Variants in FBN2 observed in about 807,000 individuals in gnomAD.
FBN2 encodes the protein fibrillin-2.
FBN2 carries 105 observed loss-of-function variants against 355.6 expected under a neutral mutation model. The observed-to-expected ratio is 0.30, with a 90% CI of 0.25 to 0.35. FBN2 has a LOEUF of 0.35. Ranked by LOEUF, FBN2 falls within the 10% of genes least tolerant of loss-of-function variation. The pLI is 1.00. For synonymous variants in FBN2, 1,350 were observed against 1,301.2 expected (o/e 1.04, Z -0.81); for missense variants, 3,280 against 3,758.7 (o/e 0.87, Z 3.33).
At chr5:128,317,257 T>C (rs920007496) in intron 36 of FBN2, among the ~76,000 whole-genome samples, 1 of 152,178 alleles carries the variant, frequency 6.6e-6, no homozygotes, top group Non-Finnish European at 1.5e-5. Flanking sequence ...GCCTCTAGAA[T>C]GTAAACACAA....
intron 5 of FBN2, among the ~76,000 whole-genome samples, chr5:128,492,717 C>A (rs1755541943): frequency 7.0e-6 from 1 of 142,154 alleles, no homozygotes; most frequent in Non-Finnish European, 1.5e-5. Flanking sequence ...GCAGGAGATT[C>A]ACTTGAACCT....
At chr5:128,454,176 T>C (rs529714955) in intron 6 of FBN2, among the ~76,000 whole-genome samples, 3 of 152,352 alleles carry the variant, frequency 2.0e-5, no homozygotes, top group African/African-American at 7.2e-5. Flanking sequence ...AAACTCTCCC[T>C]GTCCCAGTGA....
At chr5:128,467,642 T>C (rs1457002226) in intron 5 of FBN2, among the ~76,000 whole-genome samples, 3 of 152,174 alleles carry the variant, frequency 2.0e-5, no homozygotes, top group Admixed American at 2.0e-4. Context: ...TATACCATGC[T>C]AACCATTCAT....
chr5:128,375,148 A>C (rs1269824999), intron 14 of FBN2, among the ~76,000 whole-genome samples: 2 of 152,216 alleles, frequency 1.3e-5, no homozygotes, highest in African/African-American at 4.8e-5. Context: ...ATAATAACAA[A>C]ATAACTTGAG....
chr5:128,357,940 T>C (rs1751546268), intron 19 of FBN2, among the ~76,000 whole-genome samples: 1 of 152,180 alleles, frequency 6.6e-6, no homozygotes, highest in African/African-American at 2.4e-5. Flanking sequence ...TTTACATGTT[T>C]AGTTTGCTTA....
chr5:128,422,622 A>G (rs1461647673), intron 7 of FBN2, among the ~76,000 whole-genome samples: 1 of 152,230 alleles, frequency 6.6e-6, no homozygotes, highest in Non-Finnish European at 1.5e-5. Context: ...GCAGAGCTGG[A>G]ACATTTTGCT....
intron 6 of FBN2, among the ~76,000 whole-genome samples, chr5:128,451,765 G>C (rs965937769): frequency 6.6e-6 from 1 of 152,122 alleles, no homozygotes; most frequent in Non-Finnish European, 1.5e-5. Context: ...AAGAGCTCTA[G>C]AAACTTGTTT....
At chr5:128,525,797 C>A (rs1756544934) in intron 4 of FBN2, among the ~76,000 whole-genome samples, 1 of 152,130 alleles carries the variant, frequency 6.6e-6, no homozygotes, top group Non-Finnish European at 1.5e-5. Context: ...AATTTTGACA[C>A]TTTTAAGTAG....
intron 16 of FBN2, among the ~76,000 whole-genome samples, chr5:128,368,447 T>TATATATAC (rs1382978836): frequency 3.2e-5 from 4 of 124,078 alleles, no homozygotes; most frequent in African/African-American, 1.0e-4. Context: ...CATATATACA[T>TATATATAC]ATATATACAC....
intron 48 of FBN2, 70 bp downstream of exon 48, chr5:128,300,747 T>C (rs1439854514): frequency 2.0e-6 from 3 of 1,528,702 alleles, no homozygotes; most frequent in Middle Eastern, 1.7e-4. Context: ...ACTTAGTATG[T>C]TTCCAGAGTC....
At chr5:128,297,000 C>T (rs1041655761) in intron 48 of FBN2, among the ~76,000 whole-genome samples, 4 of 152,140 alleles carry the variant, frequency 2.6e-5, no homozygotes, top group African/African-American at 4.8e-5. Context: ...CCTCTACACA[C>T]TGCTTTGAAT....
intron 62 of FBN2, among the ~76,000 whole-genome samples, chr5:128,270,393 G>T (rs1765237236): frequency 6.6e-6 from 1 of 152,062 alleles, no homozygotes; most frequent in African/African-American, 2.4e-5. Flanking sequence ...GCCGGGCATG[G>T]TGGCAGACTC....
intron 5 of FBN2, among the ~76,000 whole-genome samples, chr5:128,481,310 T>C (rs1318572638): frequency 6.6e-6 from 1 of 152,218 alleles, no homozygotes; most frequent in African/African-American, 2.4e-5. Context: ...ATTCCAGCAG[T>C]ACTGTTCCGA....
rs1158937805 is a variant in FBN2 at position 128,392,130 on chromosome 5, G to A, written c.1491C>T (p.Ile497=). ...GLTILNQTID[I]CKHHANLCLN... is the part of the protein sequence containing the mutation. ...AACAAAGGTTAGCATGATGCTTACAGATATCTATTGTCTGGTTCAGAATTG... is the reference window on the plus strand; with the variant it reads ...AACAAAGGTTAGCATGATGCTTACAAATATCTATTGTCTGGTTCAGAATTG... The change falls in exon 11 of 65, where the codon ATC becomes ATT. Residue 497 remains isoleucine, a synonymous_variant. Coordinates refer to ENST00000262464, the MANE Select transcript of FBN2 (RefSeq NM_001999.4). 6.2e-7 allele frequency: 1 copy of A among 1,613,422 alleles called. No individual in the cohort carries two copies. Among genetic ancestry groups the A allele is most frequent in the African/African-American group, 1.3e-5 (1 of 74,910 alleles).
chr5:128,320,630 T>C (rs962572747), intron 34 of FBN2, among the ~76,000 whole-genome samples: 1 of 152,180 alleles, frequency 6.6e-6, no homozygotes, highest in Non-Finnish European at 1.5e-5. Flanking sequence ...GTGATAAATA[T>C]TCAAAAATTC....
At chr5:128,442,414 C>T (rs746297550) in intron 7 of FBN2, 52 of 454,938 alleles carry the variant, frequency 1.1e-4, no homozygotes, top group Middle Eastern at 6.5e-4. Flanking sequence ...AAAAGAAAAA[C>T]GCTGAGCTGT....
intron 39 of FBN2, among the ~76,000 whole-genome samples, chr5:128,310,859 A>T (rs987791239): frequency 1.4e-4 from 21 of 152,116 alleles, no homozygotes; most frequent in Non-Finnish European, 2.4e-4. Context: ...CATGTGATCA[A>T]GTGGGGGGAT....
At chr5:128,299,433 T>TCGCTG (rs1749646438) in intron 48 of FBN2, among the ~76,000 whole-genome samples, 1 of 132,180 alleles carries the variant, frequency 7.6e-6, no homozygotes, top group Non-Finnish European at 1.6e-5. Flanking sequence ...TCCCCCAGCC[T>TCGCTG]CACAGTTTGA....
chr5:128,414,846 T>C (rs376944055), intron 7 of FBN2, among the ~76,000 whole-genome samples: 6 of 152,298 alleles, frequency 3.9e-5, no homozygotes, highest in Admixed American at 3.9e-4. Context: ...TATCACATTA[T>C]AACTTGGTTT....
Sources: allele counts gnomAD v4.1 joint callset (sites outside exome capture counted in the v4.1 genomes callset), GRCh38; gene constraint gnomAD v4.1.1; transcripts MANE v1.5; gene names NCBI Gene and HGNC (gene_info 2026-07-23, HGNC 2026-07-21).